The following CAMK2B variants were observed in gnomAD, a reference collection of about 807,000 sequenced individuals.
CAMK2B encodes calcium/calmodulin dependent protein kinase II beta.
CAMK2B carries 27 observed loss-of-function variants against 93.7 expected under a neutral mutation model. That is an observed-to-expected ratio of 0.29 (90% CI 0.21 to 0.40). The LOEUF (loss-of-function observed/expected upper bound fraction) is 0.40, where lower values mean the gene tolerates loss of function less well. Among genes scored for constraint, CAMK2B ranks in the 10% least tolerant of loss-of-function variants. CAMK2B has a pLI of 1.00. For synonymous variants in CAMK2B, 374 were observed against 358.8 expected, an observed-to-expected ratio of 1.04 and a Z score of -0.48; for missense variants, 568 against 895.8, an observed-to-expected ratio of 0.63 and a Z score of 4.67.
At chr7:44,237,038 C>A (rs181206954) in intron 13 of CAMK2B, among the ~76,000 whole-genome samples, 1 of 152,252 alleles carries the variant, frequency 6.6e-6, no homozygotes, top group East Asian at 1.9e-4. Context: ...TCCACCCCAC[C>A]CCCGAGGGGA....
chr7:44,249,801 G>A (rs535271602), intron 5 of CAMK2B, among the ~76,000 whole-genome samples: 2 of 152,220 alleles, frequency 1.3e-5, no homozygotes, highest in African/African-American at 2.4e-5. Flanking sequence ...AGTCCTGGCC[G>A]CAGCTCTGGC....
chr7:44,242,188 T>TC lies in CAMK2B; in HGVS notation c.819+29dup, dbSNP rs760577363. 8.1e-6 allele frequency: 13 copies of TC among 1,601,240 alleles called. No homozygotes were observed. The East Asian group carries it at 1.6e-4, about 19-fold the overall frequency. ...GAGGCCATCTCCACCAGGAGCCCCC[T>TC]CCCCACCATGGGCACCAAGGGCGAC... On this transcript the variant is annotated intron_variant, in intron 10 of 23. Transcript: ENST00000395749.
At chr7:44,221,328 C>T (rs144988285) in intron 20 of CAMK2B, among the ~76,000 whole-genome samples, 38 of 152,332 alleles carry the variant, frequency 2.5e-4, no homozygotes, top group African/African-American at 9.1e-4. Flanking sequence ...CCCGGCCCCA[C>T]TCTCCTCCCG....
At chr7:44,273,226 G>A (rs1477285226) in intron 2 of CAMK2B, among the ~76,000 whole-genome samples, 3 of 152,102 alleles carry the variant, frequency 2.0e-5, no homozygotes, top group Admixed American at 6.5e-5. Context: ...ACCTCACCTC[G>A]TTGTTACTCC....
At chr7:44,323,541 C>T (rs1324124842) in intron 1 of CAMK2B, among the ~76,000 whole-genome samples, 1 of 152,234 alleles carries the variant, frequency 6.6e-6, no homozygotes, top group Non-Finnish European at 1.5e-5. Flanking sequence ...CAGCGGGGAG[C>T]TGGCCACCCG....
chr7:44,266,353 G>A (rs142739125), intron 2 of CAMK2B, among the ~76,000 whole-genome samples: 339 of 152,200 alleles, frequency 2.2e-3, no homozygotes, highest in African/African-American at 7.6e-3. Flanking sequence ...CAAAACCAGG[G>A]ACATTATTCT....
At chr7:44,238,119 G>A (rs368348818) in intron 13 of CAMK2B, among the ~76,000 whole-genome samples, 2 of 152,226 alleles carry the variant, frequency 1.3e-5, no homozygotes, top group Non-Finnish European at 2.9e-5. Context: ...TGATATGGCT[G>A]AGCTGGGCTG....
chr7:44,272,473 A>G (rs1163213758), intron 2 of CAMK2B, among the ~76,000 whole-genome samples: 3 of 152,154 alleles, frequency 2.0e-5, no homozygotes, highest in Non-Finnish European at 2.9e-5. Context: ...CTTTCTGTGC[A>G]TGTTTTGTTT....
intron 1 of CAMK2B, among the ~76,000 whole-genome samples, chr7:44,308,891 G>A (rs745916383): frequency 1.3e-5 from 2 of 152,182 alleles, no homozygotes; most frequent in Non-Finnish European, 2.9e-5. Context: ...TCTGTCCATG[G>A]CCAGCCTGCC....
intron 2 of CAMK2B, chr7:44,268,023 G>A (rs1345451017): frequency 6.6e-6 from 1 of 152,480 alleles, no homozygotes; most frequent in African/African-American, 2.4e-5. Context: ...CCGCACAACA[G>A]GTAGGGCCAA....
chr7:44,238,604 C>T (rs1221489039), intron 13 of CAMK2B, among the ~76,000 whole-genome samples: 1 of 152,222 alleles, frequency 6.6e-6, no homozygotes, highest in Non-Finnish European at 1.5e-5. Context: ...GGTTCTCTGG[C>T]TGGGAAGGCC....
At chr7:44,270,551 C>T (rs1036093749) in intron 2 of CAMK2B, among the ~76,000 whole-genome samples, 1 of 152,206 alleles carries the variant, frequency 6.6e-6, no homozygotes, top group Admixed American at 6.5e-5. Context: ...GAACTCAGGC[C>T]CTACGCAGGG....
chr7:44,250,254 C>T (rs913155024), intron 5 of CAMK2B, among the ~76,000 whole-genome samples: 3 of 152,174 alleles, frequency 2.0e-5, no homozygotes, highest in Admixed American at 1.3e-4. Context: ...TCTGAGACCA[C>T]GGCCTTGGAG....
At chr7:44,270,265 G>T (rs2096962187) in intron 2 of CAMK2B, among the ~76,000 whole-genome samples, 1 of 152,276 alleles carries the variant, frequency 6.6e-6, no homozygotes, top group Middle Eastern at 3.4e-3. Flanking sequence ...GCACTGGGAT[G>T]GTGCACATGG....
chr7:44,238,105 C>T (rs1037955019), intron 13 of CAMK2B, among the ~76,000 whole-genome samples: 6 of 152,234 alleles, frequency 3.9e-5, no homozygotes, highest in Non-Finnish European at 5.9e-5. Context: ...TGCTCACTGC[C>T]GTGTGATATG....
intron 13 of CAMK2B, among the ~76,000 whole-genome samples, chr7:44,236,322 G>T: frequency 1.3e-5 from 2 of 152,356 alleles, no homozygotes; most frequent in Middle Eastern, 3.4e-3. Flanking sequence ...GACCCCATGT[G>T]CAGTGGGCAC....
intron 20 of CAMK2B, among the ~76,000 whole-genome samples, chr7:44,222,454 T>C (rs2003563): frequency 6.6e-6 from 1 of 151,784 alleles, no homozygotes; most frequent in Non-Finnish European, 1.5e-5. Context: ...TTTTTTTTTT[T>C]AGATGGAGTC....
chr7:44,244,993 G>A (rs769247004), intron 6 of CAMK2B: 4 of 455,674 alleles, frequency 8.8e-6, no homozygotes, highest in South Asian at 6.2e-5. Flanking sequence ...TGAGTGGGTG[G>A]AGGCCCCAAG....
chr7:44,257,185 G>GC (rs1234815008), intron 4 of CAMK2B, among the ~76,000 whole-genome samples: 1 of 152,140 alleles, frequency 6.6e-6, no homozygotes, highest in Non-Finnish European at 1.5e-5. Context: ...CTACTATGGG[G>GC]CCTCAGGGCC....
Sources: allele counts gnomAD v4.1 joint callset (sites outside exome capture counted in the v4.1 genomes callset), GRCh38; gene constraint gnomAD v4.1.1; transcripts MANE v1.5; gene names NCBI Gene and HGNC (gene_info 2026-07-23, HGNC 2026-07-21).